The following CATSPERB variants were observed in gnomAD, a reference collection of about 807,000 sequenced individuals.
CATSPERB encodes catsper channel auxiliary subunit beta.
In CATSPERB, 93 loss-of-function variants were observed where a neutral mutation model predicts 128.3. The ratio of observed to expected loss-of-function variants is 0.72; its 90% confidence interval spans 0.61 to 0.86. The LOEUF (loss-of-function observed/expected upper bound fraction) is 0.86. CATSPERB is among the 40% of genes least tolerant of loss of function. CATSPERB has a pLI of 0.00. For missense variants in CATSPERB, 1,153 were observed against 1,329.5 expected, an observed-to-expected ratio of 0.87 and a Z score of 2.06; for synonymous variants, 381 against 448.8, an observed-to-expected ratio of 0.85 and a Z score of 1.91.
intron 26 of CATSPERB, among the ~76,000 whole-genome samples, chr14:91,584,946 C>T (rs964361321): frequency 2.0e-5 from 3 of 152,128 alleles, no homozygotes; most frequent in Non-Finnish European, 2.9e-5. Context: ...TGTAAACTTA[C>T]GTCTTCACCA....
In CATSPERB at chr14:91,639,143, T is replaced by G. The variant is rs1666044361; in HGVS notation, c.1540A>C (p.Ser514Arg). ...TTTCCAAAGGCTGTGGGTGGTCCACTAGCTTCAAAGCGACCCAGAGTCAGC... is the reference window on the plus strand; with the variant it reads ...TTTCCAAAGGCTGTGGGTGGTCCACGAGCTTCAAAGCGACCCAGAGTCAGC... ...HKLTLGRFEA[S>R]GPPTAFGNSR... The change falls in exon 16 of 27, where the codon AGT becomes CGT. Residue 514 changes from serine (S) to arginine (R), a missense_variant. Coordinates refer to ENST00000256343, the MANE Select transcript of CATSPERB (RefSeq NM_024764.4). The G allele has an allele frequency of 6.2e-7, 1 of 1,614,120 alleles. No individual in the cohort carries two copies. The highest frequency in any genetic ancestry group is 8.5e-7 in the Non-Finnish European group (1 of 1,179,992).
chr14:91,671,284 T>G (rs1459570924), intron 13 of CATSPERB, among the ~76,000 whole-genome samples: 1 of 151,754 alleles, frequency 6.6e-6, no homozygotes, highest in Non-Finnish European at 1.5e-5. Context: ...AAAACTTTCA[T>G]ATCTCCTGGC....
At chr14:91,697,790 T>A (rs1250632201) in intron 7 of CATSPERB, among the ~76,000 whole-genome samples, 1 of 152,196 alleles carries the variant, frequency 6.6e-6, no homozygotes, top group East Asian at 1.9e-4. Context: ...AGTCTTGTAG[T>A]ATAGTTTGAA....
Position 91,617,703 on chromosome 14 carries a change from ACAGT to A in CATSPERB, c.2290_2293del (p.Thr764CysfsTer15). 1 of 1,604,388 alleles carries A rather than the reference ACAGT, an allele frequency of 6.2e-7. No homozygotes were observed. The highest frequency in any genetic ancestry group is 8.5e-7 in the Non-Finnish European group (1 of 1,176,656). ...CAACAAATTAGGGTTTCCAACAAACACAGTCAGTAGTGGTATTTCAAGCATTCGA... is the reference window on the plus strand; with the variant it reads ...CAACAAATTAGGGTTTCCAACAAACACAGTAGTGGTATTTCAAGCATTCGA... On this transcript the variant is annotated frameshift_variant, in exon 20 of 27. Transcript: ENST00000256343. LOFTEE classifies it high-confidence loss of function.
intron 6 of CATSPERB, 99 bp from the exon 7 acceptor site, chr14:91,704,800 ATTCT>A: frequency 8.0e-7 from 1 of 1,251,738 alleles, no homozygotes; most frequent in Non-Finnish European, 1.1e-6. Flanking sequence ...TAAAGAAACT[ATTCT>A]ATAGTTCAAA....
intron 15 of CATSPERB, among the ~76,000 whole-genome samples, chr14:91,647,239 G>C (rs1894621504): frequency 6.6e-6 from 1 of 152,164 alleles, no homozygotes; most frequent in Non-Finnish European, 1.5e-5. Context: ...GGGGATATGT[G>C]TGAGTGTGTA....
intron 22 of CATSPERB, among the ~76,000 whole-genome samples, chr14:91,594,316 A>G (rs529463106): frequency 4.9e-4 from 73 of 148,814 alleles, no homozygotes; most frequent in Admixed American, 2.7e-4. Context: ...ATCACACACC[A>G]GGGACTGTTG....
chr14:91,693,334 T>C, intron 8 of CATSPERB, 50 bp downstream of exon 8: 1 of 1,553,466 alleles, frequency 6.4e-7, no homozygotes, highest in Non-Finnish European at 8.9e-7. Context: ...ATTAATCAAA[T>C]ATTGATGTAA....
chr14:91,693,491 C>G lies in CATSPERB; in HGVS notation c.617-12G>C. 6.2e-7 allele frequency: 1 copy of G among 1,606,614 alleles called. No individual in the cohort carries two copies. Among genetic ancestry groups the G allele is most frequent in the East Asian group, 2.2e-5 (1 of 44,814 alleles). On this transcript the variant is annotated splice_polypyrimidine_tract_variant and intron_variant, in intron 7 of 26. Transcript: ENST00000256343. ...GCCTATGTAAACACCTACCATGAAA[C>G]AAAAGGAAAATTAAAGCCAGGCAAC...
rs1893192002 is a variant in CATSPERB at position 91,580,809 on chromosome 14, A to G, written c.*80T>C. 3 of 1,056,696 alleles carry G rather than the reference A, an allele frequency of 2.8e-6. No individual in the cohort carries two copies. Among genetic ancestry groups the G allele is most frequent in the African/African-American group, 1.6e-5 (1 of 62,690 alleles). 65.5% of individuals were successfully genotyped at this position (1,056,696 alleles called of 1,614,324 possible). ...TTCTTTAGGATTTTATGTAGCTTGC[A>G]TATTTAACATTTAAATATATTGTTC... On this transcript the variant is annotated 3_prime_UTR_variant, in exon 27 of 27. Transcript: ENST00000256343.
At position 91,639,142 on chromosome 14, in the gene CATSPERB, C is replaced by T; in HGVS notation, c.1541G>A (p.Ser514Asn). Residue 514 changes from serine (S) to asparagine (N), a missense_variant, in exon 16 of 27, where the codon AGT (serine) becomes AAT (asparagine). Coordinates refer to ENST00000256343, the MANE Select transcript of CATSPERB (RefSeq NM_024764.4). The part of the protein sequence containing the change: ...HKLTLGRFEA[S>N]GPPTAFGNSR... ...ATTTCCAAAGGCTGTGGGTGGTCCA[C>T]TAGCTTCAAAGCGACCCAGAGTCAG... 5 of 1,614,096 alleles carry T rather than the reference C, an allele frequency of 3.1e-6. No individual in the cohort carries two copies. Among genetic ancestry groups the T allele is most frequent in the Non-Finnish European group, 4.2e-6 (5 of 1,180,010 alleles).
At chr14:91,610,277 G>A (rs939473292) in intron 21 of CATSPERB, among the ~76,000 whole-genome samples, 6 of 152,102 alleles carry the variant, frequency 3.9e-5, no homozygotes, top group African/African-American at 9.7e-5. Flanking sequence ...ATGACACTAA[G>A]TTACCAGGAA....
chr14:91,619,481 A>G (rs573697451), intron 19 of CATSPERB, among the ~76,000 whole-genome samples: 1 of 151,804 alleles, frequency 6.6e-6, no homozygotes. Context: ...GATGTTCTCA[A>G]TTTTTTTCAA....
intron 17 of CATSPERB, among the ~76,000 whole-genome samples, chr14:91,632,017 G>C (rs1894286884): frequency 6.6e-6 from 1 of 152,014 alleles, no homozygotes; most frequent in South Asian, 2.1e-4. Context: ...TTAAAATAAG[G>C]TAAGCAAGAA....
chr14:91,612,394 A>G lies in CATSPERB; in HGVS notation c.2401-1717T>C, dbSNP rs540071974. 3.9e-5 allele frequency among the ~76,000 whole-genome samples: 6 copies of G among 152,292 alleles called. No homozygotes were observed. In the South Asian group the frequency reaches 6.2e-4, roughly 16 times the overall value. ...TCGAACTCCTGGCCTCAAGTGATCCATCTGCTTTGGCCTCCCAAAGTGTTG... is the reference window on the plus strand; with the variant it reads ...TCGAACTCCTGGCCTCAAGTGATCCGTCTGCTTTGGCCTCCCAAAGTGTTG... On this transcript the variant is annotated intron_variant, in intron 20 of 26. Transcript: ENST00000256343.
At chr14:91,684,005 A>G in intron 10 of CATSPERB, 62 bp from the exon 11 acceptor site, 4 of 1,252,712 alleles carry the variant, frequency 3.2e-6, no homozygotes, top group South Asian at 1.5e-5. Flanking sequence ...TTAAGATATA[A>G]GATAGAAAAA....
chr14:91,693,777 G>A (rs1895512205), intron 7 of CATSPERB, among the ~76,000 whole-genome samples: 1 of 152,044 alleles, frequency 6.6e-6, no homozygotes, highest in South Asian at 2.1e-4. Flanking sequence ...TTACGTAGAA[G>A]GGCATCAGAA....
rs1162162898 is a variant in CATSPERB at position 91,627,846 on chromosome 14, C to CA, written c.1743-2840dup. On this transcript the variant is annotated intron_variant, in intron 17 of 26. Coordinates refer to ENST00000256343, the MANE Select transcript of CATSPERB (RefSeq NM_024764.4). ...AAAATAAACTAGCTGGGTGTGGTGG[C>CA]ACATGCCTGTAGTCCCAGCTACATG... 3.9e-5 allele frequency among the ~76,000 whole-genome samples: 6 copies of CA among 151,952 alleles called. 1 individual carries two copies. The East Asian group carries it at 1.2e-3, about 29-fold the overall frequency.
intron 5 of CATSPERB, among the ~76,000 whole-genome samples, chr14:91,718,348 C>CT (rs1354763623): frequency 2.0e-5 from 3 of 152,266 alleles, no homozygotes; most frequent in South Asian, 2.1e-4. Context: ...ATCTTTGACA[C>CT]TTTTTTTATC....
Sources: allele counts gnomAD v4.1 joint callset (sites outside exome capture counted in the v4.1 genomes callset), GRCh38; gene constraint gnomAD v4.1.1; transcripts MANE v1.5; gene names NCBI Gene and HGNC (gene_info 2026-07-23, HGNC 2026-07-21).